The following TATDN3 variants were observed in gnomAD, a reference collection of about 807,000 sequenced individuals.
The protein encoded by TATDN3 is TatD DNase domain containing 3.
TATDN3 carries 29 observed loss-of-function variants against 40.1 expected under a neutral mutation model. The observed-to-expected ratio is 0.72, with a 90% confidence interval of 0.54 to 0.99. TATDN3 has a LOEUF of 0.99. Ranked by LOEUF, TATDN3 falls within the 50% of genes least tolerant of loss-of-function variation. The pLI, the probability that TATDN3 is intolerant of heterozygous loss-of-function variation, is 0.00. For missense variants in TATDN3, 309 were observed against 321.9 expected, an observed-to-expected ratio of 0.96 and a Z score of 0.31; for synonymous variants, 105 against 117.0, an observed-to-expected ratio of 0.90 and a Z score of 0.66.
At chr1:212,796,627 TAAG>T (rs1661782729) in intron 3 of TATDN3, 37 bp downstream of exon 3, 2 of 1,425,610 alleles carry the variant, frequency 1.4e-6, no homozygotes, top group Non-Finnish European at 1.9e-6. Context: ...GGGTTGCTAA[TAAG>T]AACACAGTTA....
intron 9 of TATDN3, among the ~76,000 whole-genome samples, chr1:212,813,424 G>A (rs903676343): frequency 1.3e-5 from 2 of 152,100 alleles, no homozygotes; most frequent in African/African-American, 4.8e-5. Flanking sequence ...CAAATTCAGA[G>A]AATTGGCACT....
In TATDN3 at chr1:212,815,381, A is replaced by C. The variant is rs531041000; in HGVS notation, c.*225A>C. The C allele has an allele frequency of 1.3e-5, 6 of 470,756 alleles. No homozygotes were observed. Among genetic ancestry groups the C allele is most frequent in the African/African-American group, 4.0e-5 (2 of 50,320 alleles). The allele number at this position is 470,756 out of a possible 1,614,324, so 29.2% of individuals were successfully genotyped here. On this transcript the variant is annotated 3_prime_UTR_variant, in exon 10 of 10. Transcript: ENST00000366974. ...GCTTTTCAATTAGCCGAGTTCTGGC[A>C]GGATATTGGGAAAATACTGCTACTT... is the stretch of plus-strand genomic sequence containing the variant.
In TATDN3 at chr1:212,806,368, C is replaced by CTTTT. The variant is rs771628190; in HGVS notation, c.488-1351_488-1348dup. Among the ~76,000 whole-genome samples, 50 of 132,488 alleles carry CTTTT rather than the reference C, an allele frequency of 3.8e-4. 1 individual carries two copies. The highest frequency in any genetic ancestry group is 9.8e-4 in the African/African-American group (34 of 34,684). The allele number at this position is 132,488 out of a possible 152,430, so 86.9% of individuals were successfully genotyped here. ...TTTAAAATTGAATATTTCTCTCTCT[C>CTTTT]TTTTTTTTTTTTTTTTTTTTGAGAC... On this transcript the variant is annotated intron_variant, in intron 7 of 9. Coordinates refer to ENST00000366974, the MANE Select transcript of TATDN3 (RefSeq NM_001042552.3).
intron 9 of TATDN3, among the ~76,000 whole-genome samples, chr1:212,812,931 C>T (rs780348905): frequency 3.9e-5 from 6 of 151,950 alleles, no homozygotes; most frequent in Admixed American, 3.3e-4. Context: ...CGCTTGAACC[C>T]GGGAGGTGGA....
chr1:212,797,046 C>G (rs1571950224), intron 3 of TATDN3, 66 bp from the exon 4 acceptor site: 1 of 1,265,934 alleles, frequency 7.9e-7, no homozygotes, highest in East Asian at 2.3e-5. Context: ...TCTACTTATT[C>G]TTTAGAATAC....
At chr1:212,806,039 A>C (rs1314833975) in intron 7 of TATDN3, among the ~76,000 whole-genome samples, 1 of 152,230 alleles carries the variant, frequency 6.6e-6, no homozygotes, top group Non-Finnish European at 1.5e-5. Context: ...ATACCATTTG[A>C]AAAAACTCTG....
chr1:212,796,196 G>T (rs953351469), intron 2 of TATDN3, among the ~76,000 whole-genome samples: 2 of 152,194 alleles, frequency 1.3e-5, no homozygotes, highest in Non-Finnish European at 2.9e-5. Flanking sequence ...CACTGTGGCA[G>T]CTTAATTAGG....
intron 3 of TATDN3, 58 bp downstream of exon 3, chr1:212,796,648 C>A: frequency 2.5e-6 from 3 of 1,198,158 alleles, no homozygotes; most frequent in Non-Finnish European, 3.5e-6. Context: ...TTATGACATC[C>A]AGTTTATAAT....
At chr1:212,796,992 T>C in intron 3 of TATDN3, 120 bp from the exon 4 acceptor site, 1 of 729,208 alleles carries the variant, frequency 1.4e-6, no homozygotes, top group Non-Finnish European at 2.4e-6. Context: ...TGGTTCAGCC[T>C]CCCAAAGTGC....
At chr1:212,796,850 C>T in intron 3 of TATDN3, 1 of 470,910 alleles carries the variant, frequency 2.1e-6, no homozygotes, top group South Asian at 4.1e-5. Context: ...CAATTCTCTG[C>T]CTCAGCCTCC....
chr1:212,804,461 A>G (rs758531485), intron 6 of TATDN3, 32 bp downstream of exon 6: 6 of 1,580,876 alleles, frequency 3.8e-6, no homozygotes, highest in East Asian at 2.2e-5. Flanking sequence ...GTTAATAGCT[A>G]TAGAGCAAAT....
At position 212,791,966 on chromosome 1, in the gene TATDN3, C is replaced by T; in HGVS notation, c.45C>T (p.Leu15=). The change falls in exon 1 of 10, where the codon CTC becomes CTT. Residue 15 remains leucine (L), a synonymous_variant. Transcript: ENST00000366974. ...GCTTGGTGGACTGTCACTGCCACCT[C>T]TCCGCCCCGGACTTTGACCGCGTAT... ...GVGLVDCHCH[L]SAPDFDRDLD... The T allele has an allele frequency of 3.1e-6, 5 of 1,614,064 alleles. No homozygotes were observed. The highest frequency in any genetic ancestry group is 4.2e-6 in the Non-Finnish European group (5 of 1,180,004).
At chr1:212,805,775 T>A (rs1384719239) in intron 7 of TATDN3, among the ~76,000 whole-genome samples, 1 of 152,222 alleles carries the variant, frequency 6.6e-6, no homozygotes, top group African/African-American at 2.4e-5. Flanking sequence ...TAAAATTACA[T>A]CTTATGGCAT....
intron 8 of TATDN3, among the ~76,000 whole-genome samples, chr1:212,808,425 G>GA (rs1662674197): frequency 6.6e-6 from 1 of 150,908 alleles, no homozygotes; most frequent in Admixed American, 6.6e-5. Context: ...AGCAACCAAA[G>GA]AAAAAAACAA....
At chr1:212,799,606 C>T (rs964100840) in intron 4 of TATDN3, among the ~76,000 whole-genome samples, 2 of 151,400 alleles carry the variant, frequency 1.3e-5, no homozygotes, top group South Asian at 2.1e-4. Flanking sequence ...GGCGCCATCT[C>T]GGCTCACTGC....
chr1:212,796,617 G>A (rs989807148), intron 3 of TATDN3, 27 bp downstream of exon 3: 8 of 1,489,248 alleles, frequency 5.4e-6, no homozygotes, highest in Non-Finnish European at 5.4e-6. Context: ...AGATTTTAAA[G>A]GGTTGCTAAT....
In TATDN3 at chr1:212,816,815, T is replaced by C. The variant is rs1242469369; in HGVS notation, c.*1659T>C. On this transcript the variant is annotated 3_prime_UTR_variant, in exon 10 of 10. Coordinates refer to ENST00000366974, the MANE Select transcript of TATDN3 (RefSeq NM_001042552.3). ...AGGAGATTATATTAAAACTGGACTTTTAAGCTCTCTTCCAACTCTGTATTT... is the reference window on the plus strand; with the variant it reads ...AGGAGATTATATTAAAACTGGACTTCTAAGCTCTCTTCCAACTCTGTATTT... 6.6e-6 allele frequency among the ~76,000 whole-genome samples: 1 copy of C among 152,200 alleles called. No individual in the cohort carries two copies. The highest frequency in any genetic ancestry group is 2.4e-5 in the African/African-American group (1 of 41,454).
At chr1:212,794,590 CA>C (rs1158017904) in intron 1 of TATDN3, 18 of 337,848 alleles carry the variant, frequency 5.3e-5, no homozygotes, top group South Asian at 1.4e-4. Context: ...AACTTCATCT[CA>C]AAAAAAAGAA....
At chr1:212,797,252 G>T in intron 4 of TATDN3, 56 bp downstream of exon 4, 1 of 1,309,050 alleles carries the variant, frequency 7.6e-7, no homozygotes, top group South Asian at 1.2e-5. Context: ...AGAATTATTT[G>T]ACTCAGTAAT....
Sources: gnomAD v4.1 joint callset for allele counts (sites outside exome capture counted in the v4.1 genomes callset) on GRCh38, gnomAD v4.1.1 for gene constraint, MANE v1.5 for transcripts, NCBI Gene and HGNC (gene_info 2026-07-23, HGNC 2026-07-21) for gene names.